TMPRSS2: variants seen among roughly 807,000 people sequenced by gnomAD.
TMPRSS2 encodes transmembrane protease serine 2.
TMPRSS2 carries 59 observed loss-of-function variants against 67.4 expected under a neutral mutation model. The ratio of observed to expected loss-of-function variants is 0.88; its 90% CI spans 0.71 to 1.09. The LOEUF is 1.09. Ranked by LOEUF, TMPRSS2 falls within the 50% of genes least tolerant of loss-of-function variation. The pLI is 0.00. For synonymous variants in TMPRSS2, 257 were observed against 257.0 expected (o/e 1.00, Z 0.00); for missense variants, 668 against 642.7 (o/e 1.04, Z -0.43).
chr21:41,465,572 CCCTTA>C lies in TMPRSS2; in HGVS notation c.*565_*569del. ...CATAAGAACAAAAATGTTTCTGTTC[CCCTTA>C]CAAGTGACTACCACGTCACCACCCA... On this transcript the variant is annotated 3_prime_UTR_variant, in exon 14 of 14. Coordinates refer to ENST00000332149, the MANE Select transcript of TMPRSS2 (RefSeq NM_005656.4). 1 of 233,910 alleles carries C rather than the reference CCCTTA, an allele frequency of 4.3e-6. No homozygotes were observed. Among genetic ancestry groups the C allele is most frequent in the Non-Finnish European group, 8.4e-6 (1 of 118,542 alleles). The allele number at this position is 233,910 out of a possible 1,614,324, so 14.5% of individuals were successfully genotyped here. A position where few individuals can be genotyped will look rare whatever the true frequency, so the allele number is the denominator to read the frequency against.
chr21:41,493,017 G>A (rs1456136678), intron 3 of TMPRSS2, among the ~76,000 whole-genome samples: 1 of 152,138 alleles, frequency 6.6e-6, no homozygotes, highest in Non-Finnish European at 1.5e-5. Context: ...TTGCTGTCGG[G>A]GGGCTGTCTT....
chr21:41,500,221 A>G (rs146563656), intron 1 of TMPRSS2, among the ~76,000 whole-genome samples: 11 of 152,254 alleles, frequency 7.2e-5, no homozygotes, highest in African/African-American at 2.6e-4. Context: ...TAATAGTAAC[A>G]CCTACCTCCA....
chr21:41,471,666 C>T, intron 10 of TMPRSS2, 140 bp downstream of exon 10: 1 of 923,222 alleles, frequency 1.1e-6, no homozygotes, highest in Non-Finnish European at 1.6e-6. Flanking sequence ...CTGTGAGCCT[C>T]TCCCATTGGC....
chr21:41,480,523 G>C lies in TMPRSS2; in HGVS notation c.525C>G (p.Asp175Glu), dbSNP rs2146451875. 1 of 1,613,768 alleles carries C rather than the reference G, an allele frequency of 6.2e-7. No individual in the cohort carries two copies. The highest frequency in any genetic ancestry group is 8.5e-7 in the Non-Finnish European group (1 of 1,180,050). ...CCGCCCGCCCGTAGTTCTCGTTCCAGTCGTCTTGGCACACAGGGTGCCAGG... is the reference window on the plus strand; with the variant it reads ...CCGCCCGCCCGTAGTTCTCGTTCCACTCGTCTTGGCACACAGGGTGCCAGG... ...RKSWHPVCQD[D>E]WNENYGRAAC... is the part of the protein sequence containing the mutation. Residue 175 changes from aspartate (D) to glutamate (E), a missense_variant, in exon 6 of 14, where the codon GAC becomes GAG. By Grantham distance (45) the Asp-to-Glu change is conservative. Transcript: ENST00000332149.
chr21:41,496,665 C>G (rs949155589), intron 2 of TMPRSS2, among the ~76,000 whole-genome samples: 3 of 151,996 alleles, frequency 2.0e-5, no homozygotes, highest in African/African-American at 7.3e-5. Flanking sequence ...CCAAACAGGC[C>G]ACTCTGGGCC....
intron 10 of TMPRSS2, 65 bp from the exon 11 acceptor site, chr21:41,470,808 C>A: frequency 7.1e-7 from 1 of 1,416,156 alleles, no homozygotes; most frequent in Non-Finnish European, 9.7e-7. Context: ...CCTGGCCTTC[C>A]CACATGCAGG....
At position 41,493,948 on chromosome 21, in the gene TMPRSS2, A is replaced by G. The variant is rs569362310; in HGVS notation, c.238+408T>C. ...AGTAACAGAGAGCATCTTAAACATG[A>G]CCTGTCATATCCAGGGGACTGTATG... is the stretch of plus-strand genomic sequence containing the variant. On this transcript the variant is annotated intron_variant, in intron 3 of 13. Transcript: ENST00000332149. Among the ~76,000 whole-genome samples the G allele has an allele frequency of 3.9e-5, 6 of 152,312 alleles. No individual in the cohort carries two copies. The South Asian group carries it at 1.0e-3, about 26-fold the overall frequency.
chr21:41,481,096 G>C (rs1212340513), intron 5 of TMPRSS2, among the ~76,000 whole-genome samples: 1 of 152,330 alleles, frequency 6.6e-6, no homozygotes, highest in East Asian at 1.9e-4. Context: ...CTACACAAGA[G>C]AATTGAAAAC....
Position 41,489,420 on chromosome 21 carries a change from G to A in TMPRSS2, c.325+87C>T, listed in dbSNP as rs1234730543. 6.4e-6 allele frequency: 7 copies of A among 1,095,288 alleles called. No individual in the cohort carries two copies. The Admixed American group carries it at 1.1e-4, about 17-fold the overall frequency. The allele number at this position is 1,095,288 out of a possible 1,614,324, so 67.8% of individuals were successfully genotyped here. ...AGGAACCTCACGGAGGGCCTCCAGA[G>A]GTCTCAATAGCCCAGAGAGCAGGGT... is the stretch of plus-strand genomic sequence containing the variant. On this transcript the variant is annotated intron_variant, in intron 4 of 13. Coordinates refer to ENST00000332149, the MANE Select transcript of TMPRSS2 (RefSeq NM_005656.4).
At position 41,489,611 on chromosome 21, in the gene TMPRSS2, G is replaced by A. The variant is rs2146469711; in HGVS notation, c.239-18C>T. The A allele has an allele frequency of 6.3e-7, 1 of 1,594,342 alleles. No homozygotes were observed. Among genetic ancestry groups the A allele is most frequent in the East Asian group, 2.2e-5 (1 of 44,804 alleles). On this transcript the variant is annotated intron_variant, in intron 3 of 13. Transcript: ENST00000332149. ...CTTAGTCTCTGGAAGAAGGAGGAGA[G>A]TGCAACGTTCAGACCAGAGTTGTTT...
chr21:41,482,733 A>G (rs2091265791), intron 5 of TMPRSS2, among the ~76,000 whole-genome samples: 1 of 152,234 alleles, frequency 6.6e-6, no homozygotes, highest in Admixed American at 6.5e-5. Context: ...CTACATCTGG[A>G]CAACGGAATA....
Position 41,494,435 on chromosome 21 carries a change from G to A in TMPRSS2, c.159C>T (p.Ala53=), listed in dbSNP as rs2091362402. The change falls in exon 3 of 14, where the codon GCC becomes GCT. Residue 53 remains alanine, a synonymous_variant. Transcript: ENST00000332149. The part of the protein sequence containing the change: ...QYYPSPVPQY[A]PRVLTQASNP... ...TGGAAGCCTGCGTCAGGACCCTCGGGGCGTACTGGGGCACGGGGGACGGGT... is the reference window on the plus strand; with the variant it reads ...TGGAAGCCTGCGTCAGGACCCTCGGAGCGTACTGGGGCACGGGGGACGGGT... 5.6e-6 allele frequency: 9 copies of A among 1,613,056 alleles called. No homozygotes were observed. The highest frequency in any genetic ancestry group is 5.9e-6 in the Non-Finnish European group (7 of 1,179,758).
chr21:41,492,765 A>G (rs2838040), intron 3 of TMPRSS2, among the ~76,000 whole-genome samples: 51,221 of 152,094 alleles, frequency 0.34, 9,644 homozygotes, highest in African/African-American at 0.49. Flanking sequence ...GAAACGTGGA[A>G]ATGTGTCCAT....
intron 5 of TMPRSS2, chr21:41,487,784 C>A (rs1284352847): frequency 5.3e-5 from 8 of 152,292 alleles, no homozygotes; most frequent in African/African-American, 1.9e-4. Flanking sequence ...TAGTGCATCT[C>A]CAATTTTGTT....
At chr21:41,496,014 A>G (rs568256706) in intron 2 of TMPRSS2, among the ~76,000 whole-genome samples, 2 of 152,332 alleles carry the variant, frequency 1.3e-5, no homozygotes, top group African/African-American at 4.8e-5. Context: ...ATTAAGCCAA[A>G]ATCCTGTACT....
chr21:41,479,726 T>C (rs1308117375), intron 6 of TMPRSS2, among the ~76,000 whole-genome samples: 3 of 152,152 alleles, frequency 2.0e-5, no homozygotes, highest in Admixed American at 6.5e-5. Flanking sequence ...CGAGTGGTAA[T>C]TCATTCTGAA....
In TMPRSS2 at chr21:41,493,019, G is replaced by A. The variant is rs2091350260; in HGVS notation, c.238+1337C>T. Among the ~76,000 whole-genome samples, 4 of 152,262 alleles carry A rather than the reference G, an allele frequency of 2.6e-5. No individual in the cohort carries two copies. The South Asian group carries it at 6.2e-4, about 24-fold the overall frequency. ...CCTGGAGGATTCTTTGCTGTCGGGG[G>A]GCTGTCTTGTGCCTTGCGGGAGGTT... On this transcript the variant is annotated intron_variant, in intron 3 of 13. Coordinates refer to ENST00000332149, the MANE Select transcript of TMPRSS2 (RefSeq NM_005656.4).
In TMPRSS2 at chr21:41,473,504, T is replaced by C; in HGVS notation, c.728-8A>G. ...TCAAGTTGACCCCGCAGGCTGAGGA[T>C]GACAAACAGGAGGCCAGTGGGGTGA... is the stretch of plus-strand genomic sequence containing the variant. On this transcript the variant is annotated splice_polypyrimidine_tract_variant and splice_region_variant and intron_variant, in intron 8 of 13. Coordinates refer to ENST00000332149, the MANE Select transcript of TMPRSS2 (RefSeq NM_005656.4). The C allele has an allele frequency of 1.9e-6, 3 of 1,603,324 alleles. No homozygotes were observed. The highest frequency in any genetic ancestry group is 2.6e-6 in the Non-Finnish European group (3 of 1,174,632).
At chr21:41,472,632 C>T (rs1361886452) in intron 9 of TMPRSS2, among the ~76,000 whole-genome samples, 1 of 151,358 alleles carries the variant, frequency 6.6e-6, no homozygotes, top group Admixed American at 6.6e-5. Flanking sequence ...GAAGGGCATG[C>T]CCATCTTATA....
Sources: allele counts gnomAD v4.1 joint callset (sites outside exome capture counted in the v4.1 genomes callset), GRCh38; gene constraint gnomAD v4.1.1; transcripts MANE v1.5; gene names NCBI Gene and HGNC (gene_info 2026-07-23, HGNC 2026-07-21).